Variants in YWHAE observed in about 807,000 individuals in gnomAD.
YWHAE encodes the protein 14-3-3 protein epsilon.
In YWHAE, 4 loss-of-function variants were observed where a neutral mutation model predicts 30.1. The ratio of observed to expected loss-of-function variants is 0.13; its 90% CI spans 0.07 to 0.30. YWHAE has a LOEUF of 0.30. YWHAE is among the 10% of genes least tolerant of loss of function. YWHAE has a pLI of 1.00. For missense variants in YWHAE, 121 were observed against 315.9 expected, an observed-to-expected ratio of 0.38 and a Z score of 4.68; for synonymous variants, 118 against 111.8, an observed-to-expected ratio of 1.06 and a Z score of -0.35.
chr17:1,389,930 G>A (rs1040822750), intron 1 of YWHAE, among the ~76,000 whole-genome samples: 25 of 151,990 alleles, frequency 1.6e-4, no homozygotes, highest in African/African-American at 2.2e-4. Flanking sequence ...TGCAACCTCC[G>A]CCTCCCAGGT....
chr17:1,381,724 T>C (rs929993116), intron 1 of YWHAE, among the ~76,000 whole-genome samples: 4 of 151,758 alleles, frequency 2.6e-5, no homozygotes, highest in Non-Finnish European at 5.9e-5. Context: ...AAGACCAGCC[T>C]AGGAGACATG....
intron 1 of YWHAE, among the ~76,000 whole-genome samples, chr17:1,372,807 G>C: frequency 6.6e-6 from 1 of 152,066 alleles, no homozygotes; most frequent in Middle Eastern, 3.2e-3. Flanking sequence ...ACAAAAACTA[G>C]CCAGGCATGG....
chr17:1,373,230 C>A (rs963816540), intron 1 of YWHAE, among the ~76,000 whole-genome samples: 3 of 151,706 alleles, frequency 2.0e-5, no homozygotes, highest in Admixed American at 1.3e-4. Flanking sequence ...GCAACAAGAG[C>A]GAAACTCAGT....
chr17:1,359,677 C>G (rs145240802), intron 4 of YWHAE, among the ~76,000 whole-genome samples: 2 of 151,766 alleles, frequency 1.3e-5, no homozygotes, highest in African/African-American at 4.8e-5. Flanking sequence ...ATAAAAGTTA[C>G]TAGCAGCTAG....
chr17:1,384,925 G>C (rs576859734), intron 1 of YWHAE, among the ~76,000 whole-genome samples: 5 of 152,048 alleles, frequency 3.3e-5, no homozygotes, highest in African/African-American at 1.2e-4. Flanking sequence ...TGGTCAGGCT[G>C]GTCCTGAACT....
chr17:1,396,156 A>G (rs1327872618), intron 1 of YWHAE, among the ~76,000 whole-genome samples: 1 of 151,904 alleles, frequency 6.6e-6, no homozygotes. Context: ...GCGGTGGCTC[A>G]GGTCCTTAAT....
At chr17:1,363,047 A>T (rs1208151490) in intron 2 of YWHAE, among the ~76,000 whole-genome samples, 2 of 152,116 alleles carry the variant, frequency 1.3e-5, no homozygotes, top group East Asian at 3.9e-4. Context: ...AATACCTGAG[A>T]TCACACCAAG....
intron 1 of YWHAE, among the ~76,000 whole-genome samples, chr17:1,391,758 G>A (rs923353039): frequency 1.3e-5 from 2 of 151,980 alleles, no homozygotes; most frequent in African/African-American, 4.8e-5. Context: ...TGGGAGGATC[G>A]CTTGAACCCA....
intron 4 of YWHAE, among the ~76,000 whole-genome samples, chr17:1,359,840 G>C (rs904857667): frequency 5.8e-5 from 8 of 137,842 alleles, no homozygotes; most frequent in African/African-American, 2.1e-4. Context: ...GTGTGTGTGT[G>C]TGTGTGTGTG....
chr17:1,379,666 C>T (rs1279302873), intron 1 of YWHAE, among the ~76,000 whole-genome samples: 1 of 152,064 alleles, frequency 6.6e-6, no homozygotes, highest in Non-Finnish European at 1.5e-5. Flanking sequence ...GAATAGTGAT[C>T]ACTAGTTCTA....
intron 2 of YWHAE, among the ~76,000 whole-genome samples, chr17:1,364,203 T>C (rs945046601): frequency 2.0e-5 from 3 of 147,102 alleles, no homozygotes; most frequent in Non-Finnish European, 3.0e-5. Context: ...TCAGACAAAT[T>C]AACCCAATAT....
At chr17:1,354,805 G>A (rs2072700757) in intron 4 of YWHAE, among the ~76,000 whole-genome samples, 1 of 151,786 alleles carries the variant, frequency 6.6e-6, no homozygotes, top group South Asian at 2.1e-4. Context: ...TGGGACTACA[G>A]GCGCCCGCCA....
At chr17:1,352,239 T>C (rs2072647032) in intron 5 of YWHAE, 1 of 152,196 alleles carries the variant, frequency 6.6e-6, no homozygotes, top group Admixed American at 6.6e-5. Flanking sequence ...CCTACGTATG[T>C]GAATATCTCA....
At chr17:1,370,334 T>C (rs903952590) in intron 1 of YWHAE, among the ~76,000 whole-genome samples, 42 of 151,876 alleles carry the variant, frequency 2.8e-4, no homozygotes, top group Admixed American at 2.6e-4. Flanking sequence ...GGTTTCACCA[T>C]GTTAGCCAGG....
intron 5 of YWHAE, among the ~76,000 whole-genome samples, chr17:1,350,926 G>A (rs995813566): frequency 6.6e-6 from 1 of 151,372 alleles, no homozygotes; most frequent in Non-Finnish European, 1.5e-5. Context: ...GGGTATGGTG[G>A]CGCACGCCTG....
chr17:1,393,971 C>T (rs1304074448), intron 1 of YWHAE, among the ~76,000 whole-genome samples: 1 of 152,106 alleles, frequency 6.6e-6, no homozygotes, highest in African/African-American at 2.4e-5. Context: ...TCAGTCATCA[C>T]AAACATCAAG....
intron 1 of YWHAE, among the ~76,000 whole-genome samples, chr17:1,385,633 G>A (rs2073288754): frequency 6.6e-6 from 1 of 152,100 alleles, no homozygotes; most frequent in Admixed American, 6.6e-5. Flanking sequence ...TTTTTCAGAG[G>A]GTGGGGGAGG....
At chr17:1,359,144 GAAAAAAGAAAA>G (rs2072811967) in intron 4 of YWHAE, among the ~76,000 whole-genome samples, 2 of 147,974 alleles carry the variant, frequency 1.4e-5, no homozygotes, top group African/African-American at 5.0e-5. Context: ...TCAAAAAAAA[GAAAAAAGAAAA>G]AAAAAAGGAA....
intron 1 of YWHAE, among the ~76,000 whole-genome samples, chr17:1,385,353 C>G (rs531363503): frequency 6.6e-6 from 1 of 152,254 alleles, no homozygotes; most frequent in African/African-American, 2.4e-5. Flanking sequence ...CCCCTGTGAT[C>G]AGTCCCCCAG....
Sources: gnomAD v4.1 joint callset for allele counts (sites outside exome capture counted in the v4.1 genomes callset) on GRCh38, gnomAD v4.1.1 for gene constraint, MANE v1.5 for transcripts, NCBI Gene and HGNC (gene_info 2026-07-23, HGNC 2026-07-21) for gene names.